MTFR1: variants seen among roughly 807,000 people sequenced by gnomAD.
MTFR1 encodes the protein mitochondrial fission regulator 1, also known as chondrocyte protein with a poly-proline region.
Under a neutral mutation model 38.8 loss-of-function variants are expected in MTFR1, and 28 were observed. The ratio of observed to expected loss-of-function variants is 0.72; its 90% CI spans 0.53 to 0.99. MTFR1 has a LOEUF of 0.99. Ranked by LOEUF, MTFR1 falls within the 50% of genes least tolerant of loss-of-function variation. The pLI is 0.00. For synonymous variants in MTFR1, 145 were observed against 137.0 expected (o/e 1.06, Z -0.41); for missense variants, 358 against 395.5 (o/e 0.91, Z 0.81).
intron 4 of MTFR1, among the ~76,000 whole-genome samples, 154 bp from the exon 5 acceptor site, chr8:65,704,540 G>A (rs758111032): frequency 1.1e-4 from 17 of 152,300 alleles, no homozygotes; most frequent in Admixed American, 5.2e-4. Flanking sequence ...GTTGACAAAT[G>A]CTTTGCTGTT....
intron 2 of MTFR1, among the ~76,000 whole-genome samples, chr8:65,673,820 C>T (rs1203757809): frequency 1.3e-5 from 2 of 152,022 alleles, no homozygotes; most frequent in East Asian, 1.9e-4. Flanking sequence ...GCAGGAGAAT[C>T]GCTTGAACCC....
chr8:65,646,635 A>G (rs1808971278), intron 1 of MTFR1, among the ~76,000 whole-genome samples: 1 of 152,210 alleles, frequency 6.6e-6, no homozygotes, highest in African/African-American at 2.4e-5. Flanking sequence ...GCAAAGGCCG[A>G]GGCAAGAGGA....
At chr8:65,653,278 G>A (rs958796685) in intron 1 of MTFR1, among the ~76,000 whole-genome samples, 3 of 152,280 alleles carry the variant, frequency 2.0e-5, no homozygotes, top group African/African-American at 7.2e-5. Flanking sequence ...GGAGGCCGAG[G>A]TGGGTGGATC....
chr8:65,752,908 C>T (rs897802921), intron 3 of MTFR1, among the ~76,000 whole-genome samples: 6 of 152,056 alleles, frequency 3.9e-5, no homozygotes, highest in African/African-American at 7.2e-5. Flanking sequence ...TCTATCTTGT[C>T]GCCTTCCAAA....
chr8:65,674,877 A>G (rs982166936), intron 2 of MTFR1, among the ~76,000 whole-genome samples: 6 of 152,190 alleles, frequency 3.9e-5, no homozygotes, highest in Non-Finnish European at 5.9e-5. Flanking sequence ...ACTGCCTTGA[A>G]CAAAGTTACC....
At chr8:65,726,334 T>A (rs1262640832) in intron 3 of MTFR1, among the ~76,000 whole-genome samples, 2 of 152,116 alleles carry the variant, frequency 1.3e-5, no homozygotes, top group Non-Finnish European at 2.9e-5. Context: ...CCATTTATTT[T>A]TTTTTCCTAA....
At chr8:65,763,674 C>T (rs1416477541) in intron 3 of MTFR1, among the ~76,000 whole-genome samples, 2 of 152,174 alleles carry the variant, frequency 1.3e-5, no homozygotes, top group Non-Finnish European at 2.9e-5. Flanking sequence ...AACTCAGACG[C>T]TGAACATAGC....
chr8:65,674,537 G>T (rs762836363), intron 2 of MTFR1, among the ~76,000 whole-genome samples: 1 of 151,918 alleles, frequency 6.6e-6, no homozygotes, highest in Non-Finnish European at 1.5e-5. Context: ...ACTTGACCCT[G>T]GGAGGCAGAG....
At chr8:65,744,401 A>T (rs992719159) in intron 3 of MTFR1, among the ~76,000 whole-genome samples, 1 of 152,228 alleles carries the variant, frequency 6.6e-6, no homozygotes, top group Non-Finnish European at 1.5e-5. Flanking sequence ...ACCAATAATT[A>T]TGCCCACAAT....
chr8:65,739,637 A>T, intron 3 of MTFR1: 2 of 1,435,320 alleles, frequency 1.4e-6, no homozygotes, highest in Non-Finnish European at 1.8e-6. Context: ...TAGGAAATAC[A>T]AGTCAACACA....
chr8:65,770,318 C>A (rs1162491804), intron 3 of MTFR1, among the ~76,000 whole-genome samples: 1 of 152,196 alleles, frequency 6.6e-6, no homozygotes, highest in Non-Finnish European at 1.5e-5. Context: ...CTCACAGTTC[C>A]ATGTGGCTGG....
At chr8:65,672,381 GCTTTCTTAGCT>G (rs1804588023) in intron 2 of MTFR1, among the ~76,000 whole-genome samples, 1 of 152,134 alleles carries the variant, frequency 6.6e-6, no homozygotes, top group Admixed American at 6.5e-5. Flanking sequence ...AATAAAAGAA[GCTTTCTTAGCT>G]CTACCTTTCA....
chr8:65,662,675 C>T (rs1212215539), intron 1 of MTFR1, among the ~76,000 whole-genome samples: 2 of 140,304 alleles, frequency 1.4e-5, no homozygotes, highest in Admixed American at 7.2e-5. Flanking sequence ...GCAACCGCCC[C>T]GTCTGAGAAG....
intron 1 of MTFR1, among the ~76,000 whole-genome samples, chr8:65,659,083 G>A (rs76852163): frequency 0.041 from 6,317 of 152,236 alleles, 194 homozygotes; most frequent in Non-Finnish European, 0.063. Flanking sequence ...AGACAAACAA[G>A]TACCAGAGAG....
chr8:65,714,822 T>C (rs1426111498), downstream of MTFR1: 2 of 152,198 alleles, frequency 1.3e-5, no homozygotes, highest in Non-Finnish European at 2.9e-5. Context: ...ATTTTCAGAA[T>C]CTTCAAGGAA....
At chr8:65,692,946 A>C (rs1805325914) in intron 3 of MTFR1, among the ~76,000 whole-genome samples, 1 of 142,706 alleles carries the variant, frequency 7.0e-6, no homozygotes, top group African/African-American at 2.7e-5. Flanking sequence ...CCCAGGCTGG[A>C]GTATAGTGGC....
At chr8:65,660,116 C>T (rs927057595) in intron 1 of MTFR1, among the ~76,000 whole-genome samples, 2 of 151,900 alleles carry the variant, frequency 1.3e-5, no homozygotes, top group Non-Finnish European at 2.9e-5. Context: ...ATGGCCAAAC[C>T]CTGTCTCTAC....
At chr8:65,668,796 G>A (rs532494224) in intron 1 of MTFR1, among the ~76,000 whole-genome samples, 38 of 152,246 alleles carry the variant, frequency 2.5e-4, no homozygotes, top group Admixed American at 2.2e-3. Flanking sequence ...TTACAGATGT[G>A]AACCACCACG....
intron 2 of MTFR1, among the ~76,000 whole-genome samples, chr8:65,715,803 G>A (rs1806110745): frequency 6.7e-6 from 1 of 149,538 alleles, no homozygotes; most frequent in South Asian, 2.1e-4. Context: ...GGCTAACATG[G>A]TGAAACCCTA....
Sources: allele counts gnomAD v4.1 joint callset (sites outside exome capture counted in the v4.1 genomes callset), GRCh38; gene constraint gnomAD v4.1.1; transcripts MANE v1.5; gene names NCBI Gene and HGNC (gene_info 2026-07-23, HGNC 2026-07-21).